Variants in RNF145 observed in about 807,000 individuals in gnomAD.
The protein encoded by RNF145 is ring finger protein 145.
Under a neutral mutation model 57.3 loss-of-function variants are expected in RNF145, and 12 were observed. The ratio of observed to expected loss-of-function variants is 0.21; its 90% CI spans 0.13 to 0.34. The LOEUF is 0.34. Ranked by LOEUF, RNF145 falls within the 10% of genes least tolerant of loss-of-function variation. The probability of loss-of-function intolerance (pLI) is 1.00; values close to 1 mark genes in which losing one functional copy is unlikely to be tolerated. For synonymous variants in RNF145, 262 were observed against 288.3 expected (o/e 0.91, Z 0.92); for missense variants, 429 against 799.0 (o/e 0.54, Z 5.58).
chr5:159,206,262 T>C (rs181326157), intron 1 of RNF145, among the ~76,000 whole-genome samples: 1 of 152,300 alleles, frequency 6.6e-6, no homozygotes, highest in Non-Finnish European at 1.5e-5. Context: ...CGAAACTAAA[T>C]GTTGCATTTA....
intron 3 of RNF145, among the ~76,000 whole-genome samples, chr5:159,183,401 G>A (rs6879008): frequency 6.6e-6 from 1 of 151,948 alleles, no homozygotes; most frequent in Non-Finnish European, 1.5e-5. Flanking sequence ...CTAAATATTC[G>A]TCAATGCAAA....
intron 2 of RNF145, among the ~76,000 whole-genome samples, chr5:159,201,213 T>C (rs1785652951): frequency 6.6e-6 from 1 of 152,194 alleles, no homozygotes; most frequent in Non-Finnish European, 1.5e-5. Context: ...CATACATAGT[T>C]CCACAGGGTC....
intron 3 of RNF145, among the ~76,000 whole-genome samples, chr5:159,191,145 T>G (rs1315569353): frequency 1.3e-5 from 2 of 151,640 alleles, no homozygotes; most frequent in Non-Finnish European, 2.9e-5. Context: ...TTTGTTGGGC[T>G]GCATTCAAAG....
At chr5:159,199,171 T>C (rs560495457) in intron 2 of RNF145, among the ~76,000 whole-genome samples, 61 of 152,202 alleles carry the variant, frequency 4.0e-4, no homozygotes, top group African/African-American at 1.4e-3. Flanking sequence ...ACTGGTTCCA[T>C]GGAATCACAG....
intron 3 of RNF145, among the ~76,000 whole-genome samples, chr5:159,183,042 GC>G (rs1326185905): frequency 1.3e-5 from 2 of 152,066 alleles, no homozygotes; most frequent in Non-Finnish European, 2.9e-5. Context: ...CACACAATCA[GC>G]CGGAAGGGTA....
In RNF145 at chr5:159,195,345, ACTT is replaced by A. The variant is rs1183244506; in HGVS notation, c.185-524_185-522del. On this transcript the variant is annotated intron_variant, in intron 2 of 10. Coordinates refer to ENST00000424310, the MANE Select transcript of RNF145 (RefSeq NM_001199383.2). ...ACCCATCTTGAGAAAAAAAAAATAA[ACTT>A]CTTTTCACTGCGATTTTTTTCCTAT... Among the ~76,000 whole-genome samples the A allele has an allele frequency of 2.0e-5, 3 of 152,038 alleles. No individual in the cohort carries two copies. The East Asian group carries it at 5.8e-4, about 29-fold the overall frequency.
rs377222368 is a variant in RNF145, at chr5:159,174,132, G to C, written c.648C>G (p.Ala216=). 1.3e-5 allele frequency: 21 copies of C among 1,611,584 alleles called. No homozygotes were observed. In the African/African-American group the frequency reaches 2.8e-4, roughly 22 times the overall value. ...VQVVEVYGLL[A]LGMSLWNQLV... The stretch of plus-strand genomic sequence containing the variant: ...GTTGATTCCACAGGGACATTCCCAA[G>C]GCGAGAAGGCCATATACCTCCACTA... Residue 216 remains alanine, a synonymous_variant, in exon 6 of 11, where the codon GCC becomes GCG. Coordinates refer to ENST00000424310, the MANE Select transcript of RNF145 (RefSeq NM_001199383.2).
intron 1 of RNF145, chr5:159,207,898 G>C (rs774508857): frequency 6.2e-7 from 1 of 1,612,798 alleles, no homozygotes; most frequent in African/African-American, 1.3e-5. Context: ...CTCTGCCATC[G>C]GCCGCTCAGC....
chr5:159,164,365 T>C (rs1784326951), intron 8 of RNF145, among the ~76,000 whole-genome samples: 1 of 152,192 alleles, frequency 6.6e-6, no homozygotes, highest in African/African-American at 2.4e-5. Flanking sequence ...TGATGAATTA[T>C]AGATCTAATA....
intron 8 of RNF145, among the ~76,000 whole-genome samples, chr5:159,168,333 A>G (rs774129563): frequency 1.4e-4 from 21 of 152,190 alleles, no homozygotes; most frequent in South Asian, 4.1e-4. Context: ...ATTTGGTCCT[A>G]TAAGTTGTCA....
intron 8 of RNF145, among the ~76,000 whole-genome samples, chr5:159,165,303 TCTTCCCTG>T (rs1170201016): frequency 6.6e-6 from 1 of 152,262 alleles, no homozygotes; most frequent in Non-Finnish European, 1.5e-5. Flanking sequence ...TGCTTCATTC[TCTTCCCTG>T]CTTCCCTTTT....
intron 3 of RNF145, among the ~76,000 whole-genome samples, chr5:159,192,522 G>A (rs1785321211): frequency 6.6e-6 from 1 of 151,980 alleles, no homozygotes; most frequent in Non-Finnish European, 1.5e-5. Context: ...GATATTATAT[G>A]GCTATACATA....
intron 9 of RNF145, 116 bp downstream of exon 9, chr5:159,162,816 G>A: frequency 2.8e-6 from 2 of 721,996 alleles, no homozygotes; most frequent in Non-Finnish European, 2.2e-6. Flanking sequence ...AGAGAGAGAA[G>A]TTATCACCTG....
intron 2 of RNF145, among the ~76,000 whole-genome samples, chr5:159,198,877 C>T (rs762679979): frequency 2.0e-5 from 3 of 152,032 alleles, no homozygotes; most frequent in Admixed American, 6.6e-5. Flanking sequence ...ACCAGCTACT[C>T]CAGCAGCTAA....
chr5:159,176,074 T>A (rs750852403), intron 5 of RNF145, among the ~76,000 whole-genome samples: 4 of 152,166 alleles, frequency 2.6e-5, no homozygotes, highest in African/African-American at 9.6e-5. Flanking sequence ...TCAAGTACTA[T>A]ATCTAAATGA....
At chr5:159,184,275 CTT>C (rs913088297) in intron 3 of RNF145, among the ~76,000 whole-genome samples, 20 of 152,330 alleles carry the variant, frequency 1.3e-4, no homozygotes, top group African/African-American at 4.3e-4. Context: ...AGTTTATCCT[CTT>C]TTTAAAAACT....
intron 6 of RNF145, among the ~76,000 whole-genome samples, chr5:159,171,259 T>C (rs932391869): frequency 2.0e-4 from 31 of 152,216 alleles, no homozygotes; most frequent in African/African-American, 6.8e-4. Context: ...AAACAAATTG[T>C]GTACAATTTT....
chr5:159,209,941 G>C, upstream of RNF145: 1 of 1,522,836 alleles, frequency 6.6e-7, no homozygotes. Flanking sequence ...TTTTAACCTC[G>C]TCACTGACTG....
chr5:159,209,487 A>T lies in RNF145; in HGVS notation c.-296T>A. On this transcript the variant is annotated 5_prime_UTR_variant, in exon 1 of 11. An upstream open reading frame in the 5' UTR loses its in-frame stop. Coordinates refer to ENST00000424310, the MANE Select transcript of RNF145 (RefSeq NM_001199383.2). Reference sequence around the variant, plus strand: ...CAGGCGCTCGCGGGCCGAGCCCCTTAGCAGCCGGCGCCGGCGTCGGCGGCC... The same window carrying T: ...CAGGCGCTCGCGGGCCGAGCCCCTTTGCAGCCGGCGCCGGCGTCGGCGGCC... 1 of 430,920 alleles carries T rather than the reference A, an allele frequency of 2.3e-6. No homozygotes were observed. The highest frequency in any genetic ancestry group is 2.7e-6 in the Non-Finnish European group (1 of 372,920). 26.7% of individuals were successfully genotyped at this position (430,920 alleles called of 1,614,324 possible).
Sources: allele counts gnomAD v4.1 joint callset (sites outside exome capture counted in the v4.1 genomes callset), GRCh38; gene constraint gnomAD v4.1.1; transcripts MANE v1.5; gene names NCBI Gene and HGNC (gene_info 2026-07-23, HGNC 2026-07-21).